Variants in LHFPL3 observed in about 807,000 individuals in gnomAD.
LHFPL3 encodes the protein LHFPL tetraspan subfamily member 3 protein.
A neutral mutation model predicts 19.3 loss-of-function variants in LHFPL3; 5 were observed. The observed-to-expected ratio is 0.26, with a 90% CI of 0.14 to 0.54. The LOEUF is 0.54. Among genes scored for constraint, LHFPL3 ranks in the 20% least tolerant of loss-of-function variants. LHFPL3 has a pLI of 0.94. For synonymous variants in LHFPL3, 133 were observed against 126.2 expected, an observed-to-expected ratio of 1.05 and a Z score of -0.36; for missense variants, 249 against 307.4, an observed-to-expected ratio of 0.81 and a Z score of 1.42.
intron 2 of LHFPL3, among the ~76,000 whole-genome samples, chr7:104,745,030 C>T (rs192875290): frequency 6.6e-6 from 1 of 152,198 alleles, no homozygotes. Context: ...CAACAGCTTA[C>T]CCGATACCCT....
intron 1 of LHFPL3, among the ~76,000 whole-genome samples, chr7:104,715,623 T>A (rs1422393850): frequency 6.6e-6 from 1 of 152,252 alleles, no homozygotes; most frequent in African/African-American, 2.4e-5. Context: ...TTTTCTCAAG[T>A]GCTTTTCCTA....
intron 1 of LHFPL3, among the ~76,000 whole-genome samples, chr7:104,390,225 A>T (rs1413865776): frequency 6.6e-6 from 1 of 152,036 alleles, no homozygotes; most frequent in Non-Finnish European, 1.5e-5. Flanking sequence ...TCTAGGGTAC[A>T]TGTGCACAAC....
At chr7:104,578,830 A>C (rs569391479) in intron 1 of LHFPL3, among the ~76,000 whole-genome samples, 1 of 152,210 alleles carries the variant, frequency 6.6e-6, no homozygotes, top group African/African-American at 2.4e-5. Flanking sequence ...TTCAACTGAG[A>C]TACAACTCAC....
intron 1 of LHFPL3, chr7:104,668,716 G>GCCCC (rs1562961869): frequency 6.4e-7 from 1 of 1,570,582 alleles, no homozygotes; most frequent in African/African-American, 1.8e-5. Flanking sequence ...GATGATAGAG[G>GCCCC]TCCCCCCCCC....
At chr7:104,777,186 T>G (rs999658758) in intron 2 of LHFPL3, among the ~76,000 whole-genome samples, 2 of 152,212 alleles carry the variant, frequency 1.3e-5, no homozygotes, top group Non-Finnish European at 2.9e-5. Context: ...TCTCTTGTCT[T>G]CATTTTCTGC....
chr7:104,799,665 T>G (rs1195963941), intron 2 of LHFPL3: 1 of 152,678 alleles, frequency 6.5e-6, no homozygotes, highest in East Asian at 1.9e-4. Context: ...TTCTGCCCTC[T>G]CTGCCTGCAA....
chr7:104,680,233 C>T (rs1792670637), intron 1 of LHFPL3, among the ~76,000 whole-genome samples: 1 of 152,170 alleles, frequency 6.6e-6, no homozygotes, highest in Non-Finnish European at 1.5e-5. Context: ...AGCCTGCCTC[C>T]CCTCCTCAGC....
intron 2 of LHFPL3, among the ~76,000 whole-genome samples, chr7:104,766,806 A>G (rs1054161506): frequency 1.3e-5 from 2 of 152,046 alleles, no homozygotes; most frequent in African/African-American, 4.8e-5. Flanking sequence ...TTTTCTCGTA[A>G]TTTCCTATTC....
At chr7:104,758,042 T>C (rs1794315176) in intron 2 of LHFPL3, among the ~76,000 whole-genome samples, 1 of 152,178 alleles carries the variant, frequency 6.6e-6, no homozygotes, top group African/African-American at 2.4e-5. Flanking sequence ...AATGAAATCA[T>C]GTTCTTTGCA....
intron 1 of LHFPL3, among the ~76,000 whole-genome samples, chr7:104,499,502 A>G (rs139964938): frequency 1.9e-3 from 290 of 152,340 alleles, no homozygotes; most frequent in African/African-American, 6.2e-3. Context: ...TGTGCAGGCC[A>G]TGTTGGAAAG....
intron 1 of LHFPL3, among the ~76,000 whole-genome samples, chr7:104,712,405 C>T (rs973514586): frequency 5.3e-5 from 8 of 152,228 alleles, no homozygotes; most frequent in African/African-American, 1.9e-4. Context: ...AAAACAGATA[C>T]TAGCTCTGTG....
chr7:104,432,528 A>C (rs1396509993), intron 1 of LHFPL3, among the ~76,000 whole-genome samples: 2 of 150,356 alleles, frequency 1.3e-5, no homozygotes, highest in Admixed American at 6.6e-5. Flanking sequence ...AGATGATCTC[A>C]TCTCCTTCAA....
intron 1 of LHFPL3, among the ~76,000 whole-genome samples, chr7:104,341,480 A>C (rs1289715547): frequency 6.6e-6 from 1 of 152,234 alleles, no homozygotes; most frequent in African/African-American, 2.4e-5. Context: ...TTACATATTC[A>C]TCCAAATTCC....
intron 1 of LHFPL3, among the ~76,000 whole-genome samples, chr7:104,642,536 C>T (rs907762170): frequency 3.3e-5 from 5 of 152,022 alleles, no homozygotes; most frequent in African/African-American, 1.2e-4. Context: ...TTTACTTCCC[C>T]CTTCAATTTC....
At chr7:104,409,172 G>A (rs937933108) in intron 1 of LHFPL3, among the ~76,000 whole-genome samples, 2 of 151,994 alleles carry the variant, frequency 1.3e-5, no homozygotes, top group South Asian at 2.1e-4. Context: ...CACGGCGCCC[G>A]GCCTAGTGTT....
At chr7:104,332,329 A>T (rs1801586197) in intron 1 of LHFPL3, among the ~76,000 whole-genome samples, 1 of 140,348 alleles carries the variant, frequency 7.1e-6, no homozygotes, top group East Asian at 2.2e-4. Flanking sequence ...TCCTGAGTTC[A>T]AGTGATTCTC....
At chr7:104,749,035 C>T (rs1335097945) in intron 2 of LHFPL3, among the ~76,000 whole-genome samples, 2 of 152,180 alleles carry the variant, frequency 1.3e-5, no homozygotes, top group Admixed American at 1.3e-4. Context: ...AGATAGAGAA[C>T]AAATTTGACA....
intron 1 of LHFPL3, among the ~76,000 whole-genome samples, chr7:104,556,047 G>A (rs1789821566): frequency 6.6e-6 from 1 of 152,200 alleles, no homozygotes; most frequent in African/African-American, 2.4e-5. Flanking sequence ...ATGGCCTTAG[G>A]CAGATCTGCC....
chr7:104,860,463 GTA>G (rs1172594459), intron 2 of LHFPL3, among the ~76,000 whole-genome samples: 3 of 152,136 alleles, frequency 2.0e-5, no homozygotes, highest in Non-Finnish European at 2.9e-5. Context: ...GGGGTTCACT[GTA>G]TGTGCAAAGA....
Sources: allele counts gnomAD v4.1 joint callset (sites outside exome capture counted in the v4.1 genomes callset), GRCh38; gene constraint gnomAD v4.1.1; transcripts MANE v1.5; gene names NCBI Gene and HGNC (gene_info 2026-07-23, HGNC 2026-07-21).